GRIN2B: variants seen among roughly 807,000 people sequenced by gnomAD.
The protein encoded by GRIN2B is glutamate receptor ionotropic, NMDA 2B.
A neutral mutation model predicts 114.5 loss-of-function variants in GRIN2B; 5 were observed. The ratio of observed to expected loss-of-function variants is 0.04; its 90% CI spans 0.02 to 0.09. GRIN2B has a LOEUF of 0.09. Among genes scored for constraint, GRIN2B ranks in the 10% least tolerant of loss-of-function variants. The probability of loss-of-function intolerance (pLI) is 1.00; values close to 1 mark genes in which losing one functional copy is unlikely to be tolerated. For missense variants in GRIN2B, 1,108 were observed against 1,943.5 expected, an observed-to-expected ratio of 0.57 and a Z score of 8.08; for synonymous variants, 787 against 745.1, an observed-to-expected ratio of 1.06 and a Z score of -0.92.
intron 4 of GRIN2B, among the ~76,000 whole-genome samples, chr12:13,707,886 G>C (rs1436275169): frequency 6.6e-6 from 1 of 152,068 alleles, no homozygotes; most frequent in Non-Finnish European, 1.5e-5. Flanking sequence ...AAGTTTACTG[G>C]GCAATCATGG....
chr12:13,641,201 A>G (rs1318455659), intron 5 of GRIN2B, among the ~76,000 whole-genome samples: 1 of 152,018 alleles, frequency 6.6e-6, no homozygotes, highest in Non-Finnish European at 1.5e-5. Flanking sequence ...TCTCCTAAGT[A>G]GCTGGGATTA....
rs528119422 is a variant in GRIN2B, at chr12:13,600,487, A to G, written c.2010+8116T>C. Among the ~76,000 whole-genome samples the G allele has an allele frequency of 2.7e-5, 4 of 147,226 alleles. No individual in the cohort carries two copies. The South Asian group carries it at 8.9e-4, about 33-fold the overall frequency. ...CTTTATGTAGTCTTGGAGGGTAGGG[A>G]TGTGTGTGTGCATGTGTGTGTGTGT... On this transcript the variant is annotated intron_variant, in intron 10 of 13. Transcript: ENST00000609686.
chr12:13,760,058 C>G (rs1351876332), intron 3 of GRIN2B, among the ~76,000 whole-genome samples: 1 of 152,204 alleles, frequency 6.6e-6, no homozygotes, highest in Non-Finnish European at 1.5e-5. Context: ...CAATCCTGAC[C>G]ACAACACGGA....
intron 10 of GRIN2B, among the ~76,000 whole-genome samples, chr12:13,590,164 C>A (rs1591625321): frequency 6.6e-6 from 1 of 151,982 alleles, no homozygotes; most frequent in African/African-American, 2.4e-5. Context: ...ACAGAAAATT[C>A]TTTGGCAATA....
intron 3 of GRIN2B, among the ~76,000 whole-genome samples, chr12:13,785,548 C>T (rs1030832158): frequency 6.6e-6 from 1 of 152,146 alleles, no homozygotes; most frequent in Admixed American, 6.5e-5. Context: ...TTTTATTCAG[C>T]TTGTTTCATG....
chr12:13,948,200 C>A (rs1399936025), intron 2 of GRIN2B, among the ~76,000 whole-genome samples: 1 of 152,132 alleles, frequency 6.6e-6, no homozygotes, highest in Non-Finnish European at 1.5e-5. Context: ...AATATAACCA[C>A]ATTGCCTCAC....
intron 10 of GRIN2B, among the ~76,000 whole-genome samples, chr12:13,578,315 G>A (rs1019722277): frequency 1.3e-5 from 2 of 152,200 alleles, no homozygotes; most frequent in South Asian, 2.1e-4. Flanking sequence ...TAACATTGTG[G>A]GATTGCTGAG....
intron 10 of GRIN2B, among the ~76,000 whole-genome samples, chr12:13,599,667 T>A (rs1184160527): frequency 6.6e-6 from 1 of 152,236 alleles, no homozygotes; most frequent in Non-Finnish European, 1.5e-5. Context: ...TGGGGAACTC[T>A]CCTATTTTAT....
intron 2 of GRIN2B, among the ~76,000 whole-genome samples, chr12:13,890,243 A>G (rs976653815): frequency 6.6e-6 from 1 of 152,192 alleles, no homozygotes; most frequent in Non-Finnish European, 1.5e-5. Flanking sequence ...CCCCTCCAGT[A>G]ATTTTCTCTT....
At chr12:13,687,764 G>T (rs1278821865) in intron 4 of GRIN2B, among the ~76,000 whole-genome samples, 1 of 152,180 alleles carries the variant, frequency 6.6e-6, no homozygotes, top group Non-Finnish European at 1.5e-5. Flanking sequence ...TTAGGCACTG[G>T]ATTCCCAGGA....
At chr12:13,814,644 C>T (rs76650522) in intron 3 of GRIN2B, among the ~76,000 whole-genome samples, 1 of 152,192 alleles carries the variant, frequency 6.6e-6, no homozygotes, top group East Asian at 1.9e-4. Context: ...AACAGCCTTG[C>T]AGCACTGTCC....
chr12:13,716,072 C>A (rs1950452664), intron 4 of GRIN2B, among the ~76,000 whole-genome samples: 1 of 151,826 alleles, frequency 6.6e-6, no homozygotes, highest in Non-Finnish European at 1.5e-5. Flanking sequence ...TAAAAGCCTA[C>A]AAAGAAAGTC....
chr12:13,848,734 C>T lies in GRIN2B; in HGVS notation c.411+17064G>A, dbSNP rs1865508006. ...AACTCTTAACAGCTTCAGAAGCCCC[C>T]ACTACAATGACTAGTTAGCCTCTTT... On this transcript the variant is annotated intron_variant, in intron 3 of 13. Coordinates refer to ENST00000609686, the MANE Select transcript of GRIN2B (RefSeq NM_000834.5). Among the ~76,000 whole-genome samples, 4 of 152,132 alleles carry T rather than the reference C, an allele frequency of 2.6e-5. No individual in the cohort carries two copies. The South Asian group carries it at 8.3e-4, about 31-fold the overall frequency.
intron 10 of GRIN2B, among the ~76,000 whole-genome samples, chr12:13,581,688 T>C (rs1948851506): frequency 6.6e-6 from 1 of 152,158 alleles, no homozygotes; most frequent in Admixed American, 6.5e-5. Flanking sequence ...GGTAGGTGGA[T>C]CACCTGAAGT....
At chr12:13,844,360 G>A (rs1865434739) in intron 3 of GRIN2B, among the ~76,000 whole-genome samples, 1 of 151,966 alleles carries the variant, frequency 6.6e-6, no homozygotes, top group Admixed American at 6.6e-5. Flanking sequence ...TCCAATCAAT[G>A]TCTAGGCCCT....
chr12:13,614,447 A>G (rs1436551710), intron 8 of GRIN2B, among the ~76,000 whole-genome samples: 4 of 152,048 alleles, frequency 2.6e-5, no homozygotes, highest in Non-Finnish European at 5.9e-5. Flanking sequence ...TGCAAAAAAT[A>G]TGGGGTATGA....
intron 4 of GRIN2B, among the ~76,000 whole-genome samples, chr12:13,688,282 G>A (rs1171785465): frequency 6.6e-6 from 1 of 152,102 alleles, no homozygotes; most frequent in Non-Finnish European, 1.5e-5. Flanking sequence ...CCAAGCCCTA[G>A]GCTCTTGATT....
At chr12:13,634,053 C>CA (rs1949642397) in intron 5 of GRIN2B, 3 of 152,174 alleles carry the variant, frequency 2.0e-5, no homozygotes, top group African/African-American at 7.2e-5. Flanking sequence ...CCTTCACACC[C>CA]AAGATGGATT....
rs1386406931 is a variant in GRIN2B at position 13,542,465 on chromosome 12, G to A, written c.*20318C>T. 2 of 152,104 alleles carry A rather than the reference G, an allele frequency of 1.3e-5. No homozygotes were observed. Among genetic ancestry groups the A allele is most frequent in the Admixed American group, 6.6e-5 (1 of 15,262 alleles). The allele number at this position is 152,104 out of a possible 1,614,324, so 9.4% of individuals were successfully genotyped here. ...TTGTGGCCTATCACAGTTAGCAGTG[G>A]GGTTTTTAGTAGAAGTTAAAAAAGC... On this transcript the variant is annotated 3_prime_UTR_variant, in exon 14 of 14. Transcript: ENST00000609686.
Sources: allele counts gnomAD v4.1 joint callset (sites outside exome capture counted in the v4.1 genomes callset), GRCh38; gene constraint gnomAD v4.1.1; transcripts MANE v1.5; gene names NCBI Gene and HGNC (gene_info 2026-07-23, HGNC 2026-07-21).